The following CCDC171 variants were observed in gnomAD, a reference collection of about 807,000 sequenced individuals.
CCDC171 encodes the protein coiled-coil domain-containing protein 171.
A neutral mutation model predicts 168.2 loss-of-function variants in CCDC171; 177 were observed. The ratio of observed to expected loss-of-function variants is 1.05; its 90% CI spans 0.93 to 1.19. The LOEUF is 1.19. Among genes scored for constraint, CCDC171 ranks in the 50% most tolerant of loss-of-function variants. CCDC171 has a pLI of 0.00. For missense variants in CCDC171, 1,991 were observed against 1,539.0 expected (o/e 1.29, Z -4.91); for synonymous variants, 687 against 540.8 (o/e 1.27, Z -3.75).
chr9:15,899,507 C>T (rs1821353602), intron 24 of CCDC171, among the ~76,000 whole-genome samples: 1 of 152,110 alleles, frequency 6.6e-6, no homozygotes, highest in South Asian at 2.1e-4. Flanking sequence ...GGTGTTATCC[C>T]ACTTTTTTTC....
chr9:15,735,941 G>A (rs1335314178), intron 16 of CCDC171, among the ~76,000 whole-genome samples: 5 of 152,204 alleles, frequency 3.3e-5, no homozygotes, highest in South Asian at 2.1e-4. Context: ...TTGAATTGGC[G>A]TGGTGCTTGA....
At chr9:15,923,511 G>C (rs563752345) in intron 25 of CCDC171, among the ~76,000 whole-genome samples, 14 of 151,340 alleles carry the variant, frequency 9.3e-5, no homozygotes, top group Admixed American at 7.9e-4. Flanking sequence ...GGGAGAGAGA[G>C]CAATGGGGAG....
intron 7 of CCDC171, among the ~76,000 whole-genome samples, chr9:15,625,791 G>C (rs1216586329): frequency 1.3e-5 from 2 of 152,172 alleles, no homozygotes; most frequent in Non-Finnish European, 2.9e-5. Context: ...GATTGTCTTG[G>C]CAATGCGGGC....
chr9:15,732,107 A>G (rs1279845767), intron 16 of CCDC171, among the ~76,000 whole-genome samples: 2 of 152,052 alleles, frequency 1.3e-5, no homozygotes, highest in Non-Finnish European at 2.9e-5. Context: ...TTTGTCATGT[A>G]TATGCATCAC....
chr9:16,025,458 C>G (rs1833258979), intron 6 of CCDC171, among the ~76,000 whole-genome samples: 1 of 151,906 alleles, frequency 6.6e-6, no homozygotes, highest in South Asian at 2.1e-4. Context: ...GGCTTCCTCT[C>G]AAAAACAAAC....
At chr9:15,685,467 C>CA (rs1213700468) in intron 10 of CCDC171, among the ~76,000 whole-genome samples, 4 of 151,746 alleles carry the variant, frequency 2.6e-5, no homozygotes, top group Admixed American at 6.6e-5. Context: ...CCCATATCTA[C>CA]AAAAAAATTT....
At chr9:15,852,447 G>C (rs7856877) in intron 23 of CCDC171, among the ~76,000 whole-genome samples, 115,399 of 151,596 alleles carry the variant, frequency 0.76, 45,714 homozygotes, top group East Asian at 0.9. Flanking sequence ...TTGTTGTTGA[G>C]TTTTAAGAGT....
intron 1 of CCDC171, among the ~76,000 whole-genome samples, chr9:15,559,865 G>T (rs2039132974): frequency 6.6e-6 from 1 of 152,072 alleles, no homozygotes; most frequent in African/African-American, 2.4e-5. Flanking sequence ...TGCAGTGGCT[G>T]GTACCGGTTG....
intron 21 of CCDC171, among the ~76,000 whole-genome samples, chr9:15,823,365 C>G (rs372957357): frequency 6.6e-6 from 1 of 151,780 alleles, no homozygotes; most frequent in Non-Finnish European, 1.5e-5. Flanking sequence ...TATTGTCTTG[C>G]CTTGCATTAA....
chr9:15,720,355 ACTAT>A (rs1230282896), intron 11 of CCDC171, among the ~76,000 whole-genome samples: 4 of 152,132 alleles, frequency 2.6e-5, no homozygotes, highest in Non-Finnish European at 4.4e-5. Context: ...TTTTTTATCT[ACTAT>A]CTTTCTCTTA....
chr9:15,639,421 A>C (rs2046429719), intron 7 of CCDC171, among the ~76,000 whole-genome samples: 1 of 152,116 alleles, frequency 6.6e-6, no homozygotes, highest in Non-Finnish European at 1.5e-5. Flanking sequence ...AAGGTAAATC[A>C]GTTTATTATC....
At chr9:15,789,773 C>T (rs2058155305) in intron 21 of CCDC171, among the ~76,000 whole-genome samples, 1 of 132,624 alleles carries the variant, frequency 7.5e-6, no homozygotes, top group Non-Finnish European at 1.6e-5. Context: ...TACGACAGTC[C>T]CCGGTGTGTG....
intron 18 of CCDC171, among the ~76,000 whole-genome samples, chr9:15,762,038 T>C (rs1479062051): frequency 6.6e-6 from 1 of 152,110 alleles, no homozygotes; most frequent in East Asian, 1.9e-4. Context: ...GAATATATTT[T>C]ATAATGCAGA....
chr9:15,677,925 T>TATATGTATATA (rs59883669), intron 9 of CCDC171, among the ~76,000 whole-genome samples: 1 of 41,862 alleles, frequency 2.4e-5, no homozygotes, highest in Non-Finnish European at 4.1e-5. Context: ...TATATATATA[T>TATATGTATATA]AAGAGATGTG....
intron 7 of CCDC171, among the ~76,000 whole-genome samples, chr9:15,654,966 G>A (rs1485811625): frequency 6.6e-6 from 1 of 152,164 alleles, no homozygotes; most frequent in Non-Finnish European, 1.5e-5. Context: ...CTCACTCTTA[G>A]GTGGGAATTG....
chr9:15,559,469 C>A (rs1001716737), intron 1 of CCDC171, among the ~76,000 whole-genome samples: 2 of 152,128 alleles, frequency 1.3e-5, no homozygotes, highest in South Asian at 2.1e-4. Context: ...TTGAACTGAT[C>A]CCTTTACCAT....
chr9:15,657,540 G>A (rs2048029601), intron 8 of CCDC171, among the ~76,000 whole-genome samples: 2 of 152,184 alleles, frequency 1.3e-5, no homozygotes, highest in Admixed American at 1.3e-4. Context: ...GAAATTTGCA[G>A]ATTGGAGTGT....
In CCDC171 at chr9:15,707,223, C is replaced by T. The variant is rs185485367; in HGVS notation, c.1318+11886C>T. On this transcript the variant is annotated intron_variant, in intron 11 of 25. Transcript: ENST00000380701. ...ACCAAACTTGCCGCACTTCATTATACTCATAGTTTCAGTTTATGAAATCCA... is the reference window on the plus strand; with the variant it reads ...ACCAAACTTGCCGCACTTCATTATATTCATAGTTTCAGTTTATGAAATCCA... Among the ~76,000 whole-genome samples, 17 of 152,274 alleles carry T rather than the reference C, an allele frequency of 1.1e-4. No individual in the cohort carries two copies. The East Asian group carries it at 2.9e-3, about 26-fold the overall frequency.
chr9:15,640,131 T>C (rs1038786899), intron 7 of CCDC171, among the ~76,000 whole-genome samples: 4 of 152,172 alleles, frequency 2.6e-5, no homozygotes, highest in African/African-American at 7.2e-5. Flanking sequence ...TTCATTTGTT[T>C]TTAATAATCT....
Sources: gnomAD v4.1 joint callset for allele counts (sites outside exome capture counted in the v4.1 genomes callset) on GRCh38, gnomAD v4.1.1 for gene constraint, MANE v1.5 for transcripts, NCBI Gene and HGNC (gene_info 2026-07-23, HGNC 2026-07-21) for gene names.